GNAI2: variants seen among roughly 807,000 people sequenced by gnomAD.
The protein encoded by GNAI2 is G protein subunit alpha i2, also known as guanine nucleotide-binding protein G(i) subunit alpha-2.
GNAI2 carries 4 observed loss-of-function variants against 36.8 expected under a neutral mutation model. The observed-to-expected ratio is 0.11, with a 90% CI of 0.05 to 0.25. GNAI2 has a LOEUF of 0.25. Among genes scored for constraint, GNAI2 ranks in the 10% least tolerant of loss-of-function variants. GNAI2 has a pLI of 1.00. For missense variants in GNAI2, 230 were observed against 481.3 expected (o/e 0.48, Z 4.89); for synonymous variants, 194 against 194.1 (o/e 1.00, Z 0.01).
chr3:50,233,239 A>G (rs1451132840), upstream of GNAI2, among the ~76,000 whole-genome samples: 1 of 152,150 alleles, frequency 6.6e-6, no homozygotes, highest in Admixed American at 6.5e-5. Context: ...GAAGGGTGCC[A>G]TAACCACAGG....
At chr3:50,249,162 G>A (rs1463224022) in intron 1 of GNAI2, among the ~76,000 whole-genome samples, 1 of 152,192 alleles carries the variant, frequency 6.6e-6, no homozygotes, top group African/African-American at 2.4e-5. Context: ...TGCTGAGTCT[G>A]AGCTCGCCTG....
Position 50,236,669 on chromosome 3 carries a change from C to T in GNAI2, c.118+216C>T, listed in dbSNP as rs1700178039. On this transcript the variant is annotated intron_variant, in intron 1 of 8. Transcript: ENST00000313601. This position sits in a 1 kb window ranked among gnomAD's most constrained non-coding sequence, Gnocchi z 4.0. ...CCCTGTCTCATCCCAGACCCCAGAC[C>T]TCCAAATCCAGTCAACAGTGCCCCA... Among the ~76,000 whole-genome samples the T allele has an allele frequency of 6.6e-6, 1 of 152,042 alleles. No homozygotes were observed. The highest frequency in any genetic ancestry group is 2.4e-5 in the African/African-American group (1 of 41,388).
chr3:50,257,272 A>T (rs1700724514), intron 7 of GNAI2, among the ~76,000 whole-genome samples, 182 bp downstream of exon 7: 1 of 151,938 alleles, frequency 6.6e-6, no homozygotes, highest in Non-Finnish European at 1.5e-5. Flanking sequence ...CCCTTAACAC[A>T]CTCAAGCATG....
chr3:50,242,897 C>CCTA lies in GNAI2; in HGVS notation c.118+6447_118+6449dup, dbSNP rs1296725028. ...ATATGCAAAGGAGGTGATGGCAGCA[C>CCTA]CTACTGTGTGTGCCCCCGGCGGGAG... is the stretch of plus-strand genomic sequence containing the variant. On this transcript the variant is annotated intron_variant, in intron 1 of 8. Transcript: ENST00000313601. This position sits in a 1 kb window ranked among gnomAD's most constrained non-coding sequence, Gnocchi z 4.8. 6.6e-6 allele frequency among the ~76,000 whole-genome samples: 1 copy of CCTA among 152,170 alleles called. No individual in the cohort carries two copies. Among genetic ancestry groups the CCTA allele is most frequent in the African/African-American group, 2.4e-5 (1 of 41,432 alleles).
Position 50,236,377 on chromosome 3 carries a change from G to A in GNAI2, c.42G>A (p.Glu14=). Reference sequence around the variant, plus strand: ...GCGCCGAGGACAAGGCGGCGGCCGAGCGCTCTAAGATGATCGACAAGAACC... The same window carrying A: ...GCGCCGAGGACAAGGCGGCGGCCGAACGCTCTAAGATGATCGACAAGAACC... ...TVSAEDKAAA[E]RSKMIDKNLR... Residue 14 remains glutamate (E), a synonymous_variant, in exon 1 of 9, where the codon GAG becomes GAA. Transcript: ENST00000313601. The surrounding 1 kb of genome is among the most constrained non-coding windows in gnomAD (Gnocchi z 4.0). The A allele has an allele frequency of 6.5e-7, 1 of 1,547,762 alleles. No homozygotes were observed. The highest frequency in any genetic ancestry group is 8.7e-7 in the Non-Finnish European group (1 of 1,154,228).
rs1700611183 is a variant in GNAI2, at chr3:50,253,317, G to A, written c.464+133G>A. On this transcript the variant is annotated intron_variant, in intron 4 of 8. Transcript: ENST00000313601. The surrounding 1 kb of genome is among the most constrained non-coding windows in gnomAD (Gnocchi z 4.2). ...ATGAAACCGATGACTGTTAACCAAGGCCTTCCTGTTTTTTGGTTTGGGGGG... is the reference window on the plus strand; with the variant it reads ...ATGAAACCGATGACTGTTAACCAAGACCTTCCTGTTTTTTGGTTTGGGGGG... 4.7e-6 allele frequency: 3 copies of A among 637,470 alleles called. No homozygotes were observed. Among genetic ancestry groups the A allele is most frequent in the Non-Finnish European group, 7.7e-6 (3 of 390,366 alleles). 39.5% of individuals were successfully genotyped at this position (637,470 alleles called of 1,614,324 possible).
chr3:50,237,829 G>C (rs1415837305), intron 1 of GNAI2, among the ~76,000 whole-genome samples: 3 of 152,144 alleles, frequency 2.0e-5, no homozygotes, highest in African/African-American at 7.2e-5. Flanking sequence ...AGAAGTGCAT[G>C]GGGGGGTGTG....
upstream of GNAI2, among the ~76,000 whole-genome samples, chr3:50,228,678 A>G (rs1008632091): frequency 6.6e-6 from 1 of 151,836 alleles, no homozygotes; most frequent in Non-Finnish European, 1.5e-5. Flanking sequence ...GCCCCTGCTG[A>G]CCCCTGCCCC....
chr3:50,250,934 C>T (rs1286540336), intron 1 of GNAI2, among the ~76,000 whole-genome samples: 4 of 152,058 alleles, frequency 2.6e-5, no homozygotes, highest in African/African-American at 7.2e-5. Flanking sequence ...CTCAGCCTCC[C>T]GAGCCGCTGG....
upstream of GNAI2, chr3:50,236,060 G>A (rs1283023812): frequency 4.5e-6 from 2 of 445,778 alleles, no homozygotes; most frequent in Non-Finnish European, 6.3e-6. This position sits in a 1 kb window ranked among gnomAD's most constrained non-coding sequence, Gnocchi z 4.0. Flanking sequence ...CCTTCGCTCC[G>A]CCCTCGAGCC....
In GNAI2 at chr3:50,236,596, C is replaced by A; in HGVS notation, c.118+143C>A. 1 of 1,199,414 alleles carries A rather than the reference C, an allele frequency of 8.3e-7. No individual in the cohort carries two copies. Among genetic ancestry groups the A allele is most frequent in the Non-Finnish European group, 1.1e-6 (1 of 897,314 alleles). The allele number at this position is 1,199,414 out of a possible 1,614,324, so 74.3% of individuals were successfully genotyped here. On this transcript the variant is annotated intron_variant, in intron 1 of 8. Coordinates refer to ENST00000313601, the MANE Select transcript of GNAI2 (RefSeq NM_002070.4). The surrounding 1 kb of genome is among the most constrained non-coding windows in gnomAD (Gnocchi z 4.0). ...CCTGGGCCAGGACCAGGGTTGAAAA[C>A]TCTAGATTGGACTAGACCTTTGATC...
chr3:50,256,587 G>A, intron 5 of GNAI2, 136 bp from the exon 6 acceptor site: 2 of 956,718 alleles, frequency 2.1e-6, no homozygotes, highest in East Asian at 2.4e-5. Flanking sequence ...GGGTGAAGTG[G>A]GCAAGTGTGG....
chr3:50,259,161 C>T lies in GNAI2; in HGVS notation c.*818C>T, dbSNP rs955325856. ...GGCCCTGCCCCAGCGGCCCTGGCCC[C>T]AGGCTCTATTAACCTAAAATGTAGC... On this transcript the variant is annotated 3_prime_UTR_variant, in exon 9 of 9. Coordinates refer to ENST00000313601, the MANE Select transcript of GNAI2 (RefSeq NM_002070.4). The T allele has an allele frequency of 3.0e-6, 1 of 330,170 alleles. No homozygotes were observed. Among genetic ancestry groups the T allele is most frequent in the Admixed American group, 4.3e-5 (1 of 23,322 alleles). The allele number at this position is 330,170 out of a possible 1,614,324, so 20.5% of individuals were successfully genotyped here.
In GNAI2 at chr3:50,242,985, T is replaced by G. The variant is rs931854626; in HGVS notation, c.118+6532T>G. 5.3e-5 allele frequency among the ~76,000 whole-genome samples: 8 copies of G among 151,866 alleles called. No homozygotes were observed. Among genetic ancestry groups the G allele is most frequent in the Admixed American group, 1.3e-4 (2 of 15,248 alleles). On this transcript the variant is annotated intron_variant, in intron 1 of 8. Transcript: ENST00000313601. The surrounding 1 kb of genome is among the most constrained non-coding windows in gnomAD (Gnocchi z 4.8). ...GGCTGGGCCTCTCGGGGAAGTGGTG[T>G]CCACACCAGAGGAAAAGGAGGAAGC...
At chr3:50,231,954 T>G (rs1700074886), upstream of GNAI2, among the ~76,000 whole-genome samples, 1 of 151,664 alleles carries the variant, frequency 6.6e-6, no homozygotes, top group South Asian at 2.1e-4. Flanking sequence ...CCCAGCACTT[T>G]GGGAGGCCAA....
chr3:50,248,052 T>G (rs1447483861), intron 1 of GNAI2, among the ~76,000 whole-genome samples: 1 of 152,196 alleles, frequency 6.6e-6, no homozygotes, highest in African/African-American at 2.4e-5. Context: ...CTGGCCAACA[T>G]GGTGAAACCC....
rs1456914836 is a variant in GNAI2, at chr3:50,236,829, G to T, written c.118+376G>T. Among the ~76,000 whole-genome samples, 2 of 152,054 alleles carry T rather than the reference G, an allele frequency of 1.3e-5. No homozygotes were observed. Among genetic ancestry groups the T allele is most frequent in the Admixed American group, 6.5e-5 (1 of 15,270 alleles). On this transcript the variant is annotated intron_variant, in intron 1 of 8. Coordinates refer to ENST00000313601, the MANE Select transcript of GNAI2 (RefSeq NM_002070.4). The surrounding 1 kb of genome is among the most constrained non-coding windows in gnomAD (Gnocchi z 4.0). ...CCGCCACTTGTTCCCCAACCCTCAG[G>T]CTCCGCTTGTTTTCCTCACCTGCGC...
chr3:50,251,616 T>C, intron 1 of GNAI2: 1 of 1,283,442 alleles, frequency 7.8e-7, no homozygotes, highest in South Asian at 1.3e-5. Context: ...GTGCTCCTGC[T>C]TAGGCCCCTG....
intron 5 of GNAI2, 70 bp downstream of exon 5, chr3:50,256,390 G>C: frequency 6.9e-7 from 1 of 1,440,998 alleles, no homozygotes; most frequent in Non-Finnish European, 9.8e-7. Flanking sequence ...GGCAGGGGCT[G>C]GTCCAGGATC....
Sources: gnomAD v4.1 joint callset for allele counts (sites outside exome capture counted in the v4.1 genomes callset) on GRCh38, gnomAD v4.1.1 for gene constraint, Gnocchi (gnomAD v3.1) non-coding constraint, MANE v1.5 for transcripts, NCBI Gene and HGNC (gene_info 2026-07-23, HGNC 2026-07-21) for gene names.